The following ANKRD31 variants were observed in gnomAD, a reference collection of about 807,000 sequenced individuals.
The protein encoded by ANKRD31 is ankyrin repeat domain 31, also known as ankyrin repeat domain-containing protein 31.
ANKRD31 carries 147 observed loss-of-function variants against 186.0 expected under a neutral mutation model. That is an observed-to-expected ratio of 0.79 (90% CI 0.69 to 0.91). ANKRD31 has a LOEUF of 0.91. Among genes scored for constraint, ANKRD31 ranks in the 40% least tolerant of loss-of-function variants. The pLI, the probability that ANKRD31 is intolerant of heterozygous loss-of-function variation, is 0.00. For missense variants in ANKRD31, 1,986 were observed against 2,148.8 expected (o/e 0.92, Z 1.50); for synonymous variants, 673 against 736.4 (o/e 0.91, Z 1.39).
At chr5:75,222,597 C>T (rs1197751960) in intron 2 of ANKRD31, among the ~76,000 whole-genome samples, 1 of 152,008 alleles carries the variant, frequency 6.6e-6, no homozygotes, top group South Asian at 2.1e-4. Context: ...AAGTTCTCTC[C>T]CCTCACCCCC....
chr5:75,074,325 T>C (rs1227041623), intron 25 of ANKRD31, among the ~76,000 whole-genome samples: 1 of 152,200 alleles, frequency 6.6e-6, no homozygotes, highest in African/African-American at 2.4e-5. Context: ...TCTTAATCTT[T>C]TCTGCTCCTT....
intron 3 of ANKRD31, among the ~76,000 whole-genome samples, chr5:75,216,153 A>G (rs1366735978): frequency 2.6e-5 from 4 of 152,180 alleles, no homozygotes; most frequent in African/African-American, 9.6e-5. Flanking sequence ...TAACAAGCCC[A>G]TACTCAGCAG....
intron 2 of ANKRD31, 144 bp from the exon 3 acceptor site, chr5:75,222,502 C>T (rs753353868): frequency 1.5e-4 from 94 of 622,982 alleles, no homozygotes; most frequent in Middle Eastern, 8.5e-4. Flanking sequence ...TAAAAAAAAA[C>T]GAGATATATG....
intron 2 of ANKRD31, among the ~76,000 whole-genome samples, chr5:75,230,310 T>C (rs1395925051): frequency 6.6e-6 from 1 of 152,236 alleles, no homozygotes; most frequent in African/African-American, 2.4e-5. Context: ...AATGTATGTA[T>C]AGCTCACATT....
chr5:75,153,947 A>C (rs2150157881), intron 12 of ANKRD31, among the ~76,000 whole-genome samples: 1 of 152,242 alleles, frequency 6.6e-6, no homozygotes, highest in East Asian at 1.9e-4. Flanking sequence ...AAAGAAACAA[A>C]TTTATAAAAG....
chr5:75,085,550 C>T (rs983162942), intron 23 of ANKRD31, among the ~76,000 whole-genome samples: 12 of 151,988 alleles, frequency 7.9e-5, no homozygotes, highest in South Asian at 2.1e-4. Flanking sequence ...TACAAGTGTG[C>T]GCCACCACGC....
chr5:75,119,601 T>C (rs1159277575), intron 17 of ANKRD31, among the ~76,000 whole-genome samples: 1 of 152,240 alleles, frequency 6.6e-6, no homozygotes, highest in Admixed American at 6.5e-5. Flanking sequence ...TTGTTTTCCT[T>C]TGGGTACATA....
chr5:75,192,642 G>C (rs1386771662), intron 9 of ANKRD31, 25 bp downstream of exon 9: 15 of 1,443,044 alleles, frequency 1.0e-5, no homozygotes, highest in Non-Finnish European at 1.4e-5. Flanking sequence ...AAAAGAAATA[G>C]AAAAATACTC....
At chr5:75,148,475 A>G in intron 13 of ANKRD31, 101 bp downstream of exon 13, 1 of 783,766 alleles carries the variant, frequency 1.3e-6, no homozygotes. Context: ...TGAAGTCATT[A>G]TTACTAAAGC....
intron 22 of ANKRD31, among the ~76,000 whole-genome samples, chr5:75,094,338 G>A (rs1444615872): frequency 6.6e-6 from 1 of 151,948 alleles, no homozygotes; most frequent in Non-Finnish European, 1.5e-5. Context: ...TTATATCAAC[G>A]TATTGTTGGG....
intron 5 of ANKRD31, among the ~76,000 whole-genome samples, chr5:75,201,711 G>T (rs746371421): frequency 9.9e-5 from 15 of 152,252 alleles, no homozygotes; most frequent in Non-Finnish European, 2.1e-4. Flanking sequence ...TTCAGGCCTT[G>T]AAGGGAAGAA....
chr5:75,217,018 T>C (rs1438934747), intron 3 of ANKRD31, among the ~76,000 whole-genome samples: 3 of 152,152 alleles, frequency 2.0e-5, no homozygotes, highest in African/African-American at 7.2e-5. Context: ...TTAATTTCTG[T>C]GTAATATTAT....
At chr5:75,150,811 T>TA (rs1751787813) in intron 12 of ANKRD31, among the ~76,000 whole-genome samples, 1 of 152,170 alleles carries the variant, frequency 6.6e-6, no homozygotes, top group South Asian at 2.1e-4. Flanking sequence ...AGCAATAATT[T>TA]AAAAATATAC....
rs757341509 is a variant in ANKRD31 at position 75,210,884 on chromosome 5, G to C, written c.289-19C>G. The C allele has an allele frequency of 4.0e-5, 60 of 1,486,672 alleles. No individual in the cohort carries two copies. The African/African-American group carries it at 8.0e-4, about 20-fold the overall frequency. 92.1% of individuals were successfully genotyped at this position (1,486,672 alleles called of 1,614,324 possible). A position where few individuals can be genotyped will look rare whatever the true frequency, so the allele number is the denominator to read the frequency against. On this transcript the variant is annotated intron_variant, in intron 3 of 25. Transcript: ENST00000506364. Reference sequence around the variant, plus strand: ...CTTGAGACTGCTAGGAAAAAAAAAAGTTTTTTCCAACTGATAAGTGTTAAT... The same window carrying C: ...CTTGAGACTGCTAGGAAAAAAAAAACTTTTTTCCAACTGATAAGTGTTAAT...
At chr5:75,171,289 T>C (rs979915048) in intron 10 of ANKRD31, among the ~76,000 whole-genome samples, 1 of 152,010 alleles carries the variant, frequency 6.6e-6, no homozygotes, top group African/African-American at 2.4e-5. Flanking sequence ...TTCTTTTTAG[T>C]CAAATTAGAA....
intron 22 of ANKRD31, 28 bp downstream of exon 22, chr5:75,104,200 T>C: frequency 7.0e-7 from 1 of 1,436,522 alleles, no homozygotes; most frequent in Middle Eastern, 2.4e-4. Flanking sequence ...AAAATTTGCA[T>C]GATTTTAGAG....
chr5:75,195,649 A>G lies in ANKRD31; in HGVS notation c.999T>C (p.Asp333=). 6.5e-7 allele frequency: 1 copy of G among 1,528,688 alleles called. No individual in the cohort carries two copies. Among genetic ancestry groups the G allele is most frequent in the South Asian group, 1.2e-5 (1 of 82,108 alleles). 94.7% of individuals were successfully genotyped at this position (1,528,688 alleles called of 1,614,324 possible). ...AATTCACCTCTGCTATTTGTGTACA[A>G]TCTTCATTGGTCTGAGACGTATTGA... ...VEFNTSQTNE[D]CTQIAETLQD... The change falls in exon 7 of 26, where the codon GAT becomes GAC. Residue 333 remains aspartate (D), a synonymous_variant. Transcript: ENST00000506364.
chr5:75,181,453 C>T (rs1754286142), intron 10 of ANKRD31, among the ~76,000 whole-genome samples: 1 of 152,028 alleles, frequency 6.6e-6, no homozygotes, highest in African/African-American at 2.4e-5. Flanking sequence ...TATTGCGGCA[C>T]TATTCACAAT....
chr5:75,150,327 T>C (rs1751756795), intron 12 of ANKRD31, among the ~76,000 whole-genome samples: 1 of 151,954 alleles, frequency 6.6e-6, no homozygotes, highest in Non-Finnish European at 1.5e-5. Context: ...GGAAAGTTCT[T>C]TATTCATCAT....
Sources: gnomAD v4.1 joint callset for allele counts (sites outside exome capture counted in the v4.1 genomes callset) on GRCh38, gnomAD v4.1.1 for gene constraint, MANE v1.5 for transcripts, NCBI Gene and HGNC (gene_info 2026-07-23, HGNC 2026-07-21) for gene names.